The following ZNF831 variants were observed in gnomAD, a reference collection of about 807,000 sequenced individuals.
ZNF831 encodes chromosome 20 open reading frame 174.
Under a neutral mutation model 95.8 loss-of-function variants are expected in ZNF831, and 59 were observed. The observed-to-expected ratio is 0.62, with a 90% CI of 0.50 to 0.77. The LOEUF (loss-of-function observed/expected upper bound fraction) is 0.77, where lower values mean the gene tolerates loss of function less well. ZNF831 is among the 30% of genes least tolerant of loss of function. ZNF831 has a pLI of 0.00. For synonymous variants in ZNF831, 961 were observed against 925.5 expected, an observed-to-expected ratio of 1.04 and a Z score of -0.70; for missense variants, 2,205 against 2,164.0, an observed-to-expected ratio of 1.02 and a Z score of -0.38.
At position 59,194,490 on chromosome 20, in the gene ZNF831, G is replaced by A. The variant is rs375547677; in HGVS notation, c.3471G>A (p.Gly1157=). The part of the protein sequence containing the change: ...WPELALSSHS[G]TSRSHSTRSP... ...AGCTGGCCTTGTCTTCCCACTCAGG[G>A]ACGTCCCGGAGCCACAGCACCCGCA... Residue 1157 remains glycine (G), a synonymous_variant, in exon 2 of 6, where the codon GGG becomes GGA. Transcript: ENST00000371030. 34 of 1,612,066 alleles carry A rather than the reference G, an allele frequency of 2.1e-5. No individual in the cohort carries two copies. The highest frequency in any genetic ancestry group is 2.8e-5 in the Non-Finnish European group (33 of 1,179,286).
At chr20:59,126,162 T>C (rs1171913722) in intron 1 of ZNF831, among the ~76,000 whole-genome samples, 2 of 152,348 alleles carry the variant, frequency 1.3e-5, no homozygotes, top group East Asian at 3.9e-4. Context: ...GCAGCCTGTG[T>C]TCCTATCCTA....
chr20:59,227,871 A>C (rs1000123041), intron 4 of ZNF831, among the ~76,000 whole-genome samples: 5 of 152,190 alleles, frequency 3.3e-5, no homozygotes, highest in African/African-American at 1.2e-4. Context: ...AAACATGCAT[A>C]GAGAAGTTAA....
intron 4 of ZNF831, among the ~76,000 whole-genome samples, chr20:59,233,639 A>T (rs146170700): frequency 2.6e-5 from 4 of 152,326 alleles, no homozygotes; most frequent in Admixed American, 6.5e-5. Context: ...TCTCCATCCA[A>T]AATACCTTGC....
intron 4 of ZNF831, among the ~76,000 whole-genome samples, chr20:59,250,912 G>A (rs1322113048): frequency 2.6e-5 from 4 of 151,942 alleles, no homozygotes. Flanking sequence ...CCCAATAAGG[G>A]CAATTCTAGA....
intron 1 of ZNF831, among the ~76,000 whole-genome samples, chr20:59,179,870 A>G (rs948003957): frequency 2.0e-5 from 3 of 152,106 alleles, no homozygotes; most frequent in African/African-American, 7.2e-5. Context: ...GGAGAATACG[A>G]TTCAACCCAC....
chr20:59,180,600 C>T (rs1029262669), intron 1 of ZNF831, among the ~76,000 whole-genome samples: 1 of 152,178 alleles, frequency 6.6e-6, no homozygotes. Context: ...GTTCAACTCC[C>T]ACTTATGAGT....
At chr20:59,146,108 C>T (rs936369641) in intron 1 of ZNF831, 4 of 152,260 alleles carry the variant, frequency 2.6e-5, no homozygotes, top group South Asian at 2.1e-4. Context: ...CCATTAAACC[C>T]GAGCCCACAC....
In ZNF831 at chr20:59,206,367, A is replaced by G. The variant is rs147269933; in HGVS notation, c.3876-538A>G. Among the ~76,000 whole-genome samples, 34 of 152,368 alleles carry G rather than the reference A, an allele frequency of 2.2e-4. No homozygotes were observed. In the East Asian group the frequency reaches 6.4e-3, roughly 29 times the overall value. Reference sequence around the variant, plus strand: ...AGATGATCCAGTAGGGCTCCTCCAGATGGAAGGTCTATGAAGAATGCTGTC... The same window carrying G: ...AGATGATCCAGTAGGGCTCCTCCAGGTGGAAGGTCTATGAAGAATGCTGTC... On this transcript the variant is annotated intron_variant, in intron 3 of 5. Transcript: ENST00000371030.
chr20:59,191,063 A>T lies in ZNF831; in HGVS notation c.44A>T (p.Asp15Val). Residue 15 changes from aspartate (D) to valine (V), a missense_variant, in exon 2 of 6, where the codon GAC becomes GTC. By Grantham distance (152) the Asp-to-Val change is radical. Transcript: ENST00000371030. ...EPTCPAPPARDQPAPTPGPPG... is the reference protein window; with the variant it reads ...EPTCPAPPARVQPAPTPGPPG... Reference sequence around the variant, plus strand: ...ACCTGCCCTGCCCCTCCTGCGAGGGACCAGCCAGCTCCCACTCCTGGCCCT... The same window carrying T: ...ACCTGCCCTGCCCCTCCTGCGAGGGTCCAGCCAGCTCCCACTCCTGGCCCT... The T allele has an allele frequency of 6.6e-7, 1 of 1,506,954 alleles. No individual in the cohort carries two copies. The highest frequency in any genetic ancestry group is 1.3e-5 in the South Asian group (1 of 75,844). 93.3% of individuals were successfully genotyped at this position (1,506,954 alleles called of 1,614,324 possible).
chr20:59,200,861 C>T (rs191016585), intron 3 of ZNF831, among the ~76,000 whole-genome samples: 3 of 152,026 alleles, frequency 2.0e-5, no homozygotes, highest in South Asian at 2.1e-4. Flanking sequence ...GAGTATGTCA[C>T]AATTTGTATA....
intron 1 of ZNF831, among the ~76,000 whole-genome samples, chr20:59,127,994 G>A (rs557690240): frequency 1.3e-5 from 2 of 152,356 alleles, no homozygotes; most frequent in Non-Finnish European, 2.9e-5. Flanking sequence ...TGGATGCTGG[G>A]CTGCCTATCC....
chr20:59,194,729 GAGA>G lies in ZNF831; in HGVS notation c.3713_3715del (p.Glu1238del). ...GGAGGATGGACCTGGACAAGCCCTG[GAGA>G]AGGAGGGCCGGCGCAGATGTCCAAG... is the stretch of plus-strand genomic sequence containing the variant. On this transcript the variant is annotated inframe_deletion, in exon 2 of 6. Transcript: ENST00000371030. The G allele has an allele frequency of 6.3e-7, 1 of 1,581,806 alleles. No homozygotes were observed. The highest frequency in any genetic ancestry group is 8.6e-7 in the Non-Finnish European group (1 of 1,165,870).
intron 1 of ZNF831, among the ~76,000 whole-genome samples, chr20:59,172,092 A>C (rs1981790134): frequency 6.6e-6 from 1 of 152,122 alleles, no homozygotes; most frequent in Admixed American, 6.5e-5. Flanking sequence ...AGTTCTGAAA[A>C]CTGGGTAAAG....
chr20:59,193,093 C>T lies in ZNF831; in HGVS notation c.2074C>T (p.Pro692Ser), dbSNP rs772147005. The change falls in exon 2 of 6, where the codon CCT (proline) becomes TCT (serine). Residue 692 changes from proline (P) to serine (S), a missense_variant. Pro to Ser is a moderately conservative substitution (Grantham distance 74). Transcript: ENST00000371030. ...CATATCCGCAGGGGCAACGCCAGAGCCTTGGGGAAATCCACCAGCCCTGGA... is the reference window on the plus strand; with the variant it reads ...CATATCCGCAGGGGCAACGCCAGAGTCTTGGGGAAATCCACCAGCCCTGGA... Reference protein sequence around the residue: ...EDISAGATPEPWGNPPALEAS... With the variant: ...EDISAGATPESWGNPPALEAS... 6.3e-7 allele frequency: 1 copy of T among 1,599,288 alleles called. No individual in the cohort carries two copies. Among genetic ancestry groups the T allele is most frequent in the East Asian group, 2.3e-5 (1 of 44,392 alleles).
intron 1 of ZNF831, among the ~76,000 whole-genome samples, chr20:59,134,957 C>T (rs1419967476): frequency 6.6e-6 from 1 of 152,146 alleles, no homozygotes; most frequent in Admixed American, 6.5e-5. Context: ...GGCCCCTTCC[C>T]CTCCAAGATG....
At chr20:59,251,137 T>C (rs1036675755) in intron 4 of ZNF831, among the ~76,000 whole-genome samples, 4 of 152,184 alleles carry the variant, frequency 2.6e-5, no homozygotes, top group African/African-American at 9.7e-5. Flanking sequence ...AATGTGTGTA[T>C]ATTTCAAAAC....
At position 59,213,090 on chromosome 20, in the gene ZNF831, T is replaced by C. The variant is rs766702043; in HGVS notation, c.4027+6034T>C. On this transcript the variant is annotated intron_variant, in intron 4 of 5. Coordinates refer to ENST00000371030, the MANE Select transcript of ZNF831 (RefSeq NM_178457.3). ...GGCTTAAGAGAAGTCTTTGGAAAGA[T>C]TGATAAAGCTCTATAATATTTTTTT... Among the ~76,000 whole-genome samples the C allele has an allele frequency of 1.3e-4, 20 of 152,216 alleles. 1 individual carries two copies. The highest frequency in any genetic ancestry group is 2.1e-4 in the Non-Finnish European group (14 of 68,044).
chr20:59,218,224 C>T (rs938114390), intron 4 of ZNF831, among the ~76,000 whole-genome samples: 3 of 152,218 alleles, frequency 2.0e-5, no homozygotes, highest in African/African-American at 7.2e-5. Context: ...ATAGTCCAGA[C>T]TCCCGGGATA....
intron 1 of ZNF831, among the ~76,000 whole-genome samples, chr20:59,133,903 A>G (rs1268428287): frequency 2.0e-5 from 3 of 152,224 alleles, no homozygotes; most frequent in Admixed American, 6.5e-5. Context: ...ATTGCCATCA[A>G]GTGCAGGTCA....
Sources: allele counts gnomAD v4.1 joint callset (sites outside exome capture counted in the v4.1 genomes callset), GRCh38; gene constraint gnomAD v4.1.1; transcripts MANE v1.5; gene names NCBI Gene and HGNC (gene_info 2026-07-23, HGNC 2026-07-21).